Variants in TRPV1 observed in about 807,000 individuals in gnomAD.
TRPV1 encodes the protein OTRPC1.
A neutral mutation model predicts 82.3 loss-of-function variants in TRPV1; 82 were observed. That is an observed-to-expected ratio of 1.00 (90% CI 0.83 to 1.20). TRPV1 has a LOEUF of 1.20. TRPV1 is among the 50% of genes most tolerant of loss of function. The pLI, the probability that TRPV1 is intolerant of heterozygous loss-of-function variation, is 0.00. For missense variants in TRPV1, 1,067 were observed against 1,096.8 expected, an observed-to-expected ratio of 0.97 and a Z score of 0.38; for synonymous variants, 515 against 467.7, an observed-to-expected ratio of 1.10 and a Z score of -1.30.
At chr17:3,591,918 A>ACGTGAAGGT in intron 3 of TRPV1, 149 bp downstream of exon 3, 3 of 1,182,736 alleles carry the variant, frequency 2.5e-6, no homozygotes, top group Non-Finnish European at 2.3e-6. Flanking sequence ...CCACGAGGTC[A>ACGTGAAGGT]CATGAGGAAG....
chr17:3,593,222 A>C (rs2075184504), intron 2 of TRPV1, among the ~76,000 whole-genome samples: 2 of 151,094 alleles, frequency 1.3e-5, no homozygotes, highest in Non-Finnish European at 1.5e-5. Context: ...GGTTCAAGCG[A>C]TTCTCCTCCC....
Position 3,584,415 on chromosome 17 carries a change from AATAAAAT to A in TRPV1, c.1384-992_1384-986del, listed in dbSNP as rs764313736. ...GAGACTCTGTCTCAAAAAAAAAAAA[AATAAAAT>A]AAAAAAAAAAGGAAGTCATTATGTG... On this transcript the variant is annotated intron_variant, in intron 9 of 16. Coordinates refer to ENST00000572705, the MANE Select transcript of TRPV1 (RefSeq NM_080704.4). Among the ~76,000 whole-genome samples, 25 of 15,284 alleles carry A rather than the reference AATAAAAT, an allele frequency of 1.6e-3. 4 individuals carry two copies. The highest frequency in any genetic ancestry group is 2.9e-3 in the African/African-American group (15 of 5,250). 10.0% of individuals were successfully genotyped at this position (15,284 alleles called of 152,430 possible).
chr17:3,584,721 G>A (rs1422839016), intron 9 of TRPV1, among the ~76,000 whole-genome samples: 7 of 151,350 alleles, frequency 4.6e-5, no homozygotes, highest in East Asian at 3.9e-4. Flanking sequence ...ACTTGAACCC[G>A]GGAGGTGGAG....
chr17:3,573,426 C>T (rs1345484869), intron 14 of TRPV1, among the ~76,000 whole-genome samples: 2 of 152,146 alleles, frequency 1.3e-5, no homozygotes, highest in Non-Finnish European at 2.9e-5. Flanking sequence ...GCTGGATCCC[C>T]GGGCCTGGCC....
chr17:3,572,018 T>G (rs890377928), intron 15 of TRPV1, 104 bp downstream of exon 15: 1 of 1,443,110 alleles, frequency 6.9e-7, no homozygotes, highest in African/African-American at 1.4e-5. Flanking sequence ...GAGAGCCCCC[T>G]GTGCTCATGA....
intron 2 of TRPV1, among the ~76,000 whole-genome samples, chr17:3,600,816 G>A (rs193269833): frequency 1.1e-4 from 17 of 152,024 alleles, no homozygotes; most frequent in Non-Finnish European, 1.8e-4. Flanking sequence ...TCTTCTTGCC[G>A]TTCCCCACAC....
intron 7 of TRPV1, among the ~76,000 whole-genome samples, chr17:3,589,417 G>C (rs1221159049): frequency 1.3e-5 from 2 of 151,998 alleles, no homozygotes; most frequent in East Asian, 3.9e-4. Context: ...GGTCAGGCTG[G>C]TCTCGAACTC....
chr17:3,565,511 C>G lies in TRPV1; in HGVS notation c.*1304G>C, dbSNP rs925949144. The G allele has an allele frequency of 6.6e-6, 1 of 152,164 alleles. No individual in the cohort carries two copies. Among genetic ancestry groups the G allele is most frequent in the Non-Finnish European group, 1.5e-5 (1 of 68,070 alleles). The allele number at this position is 152,164 out of a possible 1,614,324, so 9.4% of individuals were successfully genotyped here. A position where few individuals can be genotyped will look rare whatever the true frequency, so the allele number is the denominator to read the frequency against. On this transcript the variant is annotated 3_prime_UTR_variant, in exon 17 of 17. Coordinates refer to ENST00000572705, the MANE Select transcript of TRPV1 (RefSeq NM_080704.4). ...GATGGAGTGGAAGCATGTGCCATTG[C>G]GGAGAAGCAGGACTGGGGTTCCTAG... is the stretch of plus-strand genomic sequence containing the variant.
At chr17:3,575,020 TAA>T (rs1485848183) in intron 13 of TRPV1, among the ~76,000 whole-genome samples, 1 of 147,714 alleles carries the variant, frequency 6.8e-6, no homozygotes, top group Non-Finnish European at 1.5e-5. Flanking sequence ...AGTATTAAAA[TAA>T]AAGAGGATAG....
chr17:3,588,085 G>C, intron 8 of TRPV1, 103 bp downstream of exon 8: 4 of 1,389,248 alleles, frequency 2.9e-6, no homozygotes, highest in Non-Finnish European at 3.9e-6. Flanking sequence ...GGCGCAGCAG[G>C]CTTTCCCTCC....
intron 11 of TRPV1, among the ~76,000 whole-genome samples, chr17:3,579,479 C>CTATT (rs2074976927): frequency 6.6e-6 from 1 of 152,054 alleles, no homozygotes; most frequent in African/African-American, 2.4e-5. Context: ...CCACAATGTT[C>CTATT]TATTTATTTA....
intron 2 of TRPV1, among the ~76,000 whole-genome samples, chr17:3,596,635 A>C (rs886407728): frequency 6.6e-6 from 1 of 152,166 alleles, no homozygotes; most frequent in African/African-American, 2.4e-5. Context: ...CAGGAGCAAC[A>C]AGAACAAACC....
intron 1 of TRPV1, chr17:3,608,870 G>C (rs1483170314): frequency 6.6e-6 from 1 of 152,186 alleles, no homozygotes; most frequent in African/African-American, 2.4e-5. Context: ...TTTTATTTAA[G>C]GCACAAGACT....
intron 13 of TRPV1, 110 bp downstream of exon 13, chr17:3,577,016 G>T: frequency 8.8e-7 from 1 of 1,130,486 alleles, no homozygotes; most frequent in Non-Finnish European, 1.3e-6. Context: ...GTCACCTGCA[G>T]ACATGCACCT....
chr17:3,576,214 T>A (rs2074926389), intron 13 of TRPV1, among the ~76,000 whole-genome samples: 1 of 151,720 alleles, frequency 6.6e-6, no homozygotes, highest in Non-Finnish European at 1.5e-5. Context: ...AGCATGAGAC[T>A]CTGTCTCAAA....
chr17:3,569,521 C>T (rs768759612), intron 16 of TRPV1, among the ~76,000 whole-genome samples: 3 of 152,238 alleles, frequency 2.0e-5, no homozygotes, highest in Admixed American at 2.0e-4. Flanking sequence ...TGCCTAGGGA[C>T]ATTTCCCCAA....
chr17:3,568,290 C>G (rs1053367306), intron 16 of TRPV1, among the ~76,000 whole-genome samples: 10 of 150,430 alleles, frequency 6.6e-5, no homozygotes, highest in Admixed American at 5.3e-4. Flanking sequence ...CCACTGCACT[C>G]CAGCCTGGGT....
In TRPV1 at chr17:3,573,932, C is replaced by T. The variant is rs201098725; in HGVS notation, c.1804G>A (p.Gly602Arg). 5.6e-6 allele frequency: 9 copies of T among 1,604,568 alleles called. No homozygotes were observed. The highest frequency in any genetic ancestry group is 2.2e-5 in the East Asian group (1 of 44,774). Residue 602 changes from glycine (G) to arginine (R), a missense_variant, in exon 14 of 17, where the codon GGG (glycine) becomes AGG (arginine). Coordinates refer to ENST00000572705, the MANE Select transcript of TRPV1 (RefSeq NM_080704.4). ...STAVVTLIED[G>R]KNDSLPSEST... Reference sequence around the variant, plus strand: ...TCAGACGGCAGGGAGTCATTCTTCCCGTCTTCAATCAGCGTCACCACCGCT... The same window carrying T: ...TCAGACGGCAGGGAGTCATTCTTCCTGTCTTCAATCAGCGTCACCACCGCT...
intron 10 of TRPV1, 128 bp from the exon 11 acceptor site, chr17:3,580,655 G>C (rs1485025986): frequency 3.1e-6 from 3 of 974,484 alleles, no homozygotes; most frequent in Non-Finnish European, 4.9e-6. Context: ...ATTGTGAAAA[G>C]AGCAGAACAG....
Sources: gnomAD v4.1 joint callset for allele counts (sites outside exome capture counted in the v4.1 genomes callset) on GRCh38, gnomAD v4.1.1 for gene constraint, MANE v1.5 for transcripts, NCBI Gene and HGNC (gene_info 2026-07-23, HGNC 2026-07-21) for gene names.